GRID2: variants seen among roughly 807,000 people sequenced by gnomAD.
GRID2 encodes glutamate ionotropic receptor delta type subunit 2, also known as glutamate receptor ionotropic, delta-2.
A neutral mutation model predicts 114.8 loss-of-function variants in GRID2; 33 were observed. The ratio of observed to expected loss-of-function variants is 0.29; its 90% CI spans 0.22 to 0.38. GRID2 has a LOEUF of 0.38. GRID2 is among the 10% of genes least tolerant of loss of function. The pLI is 1.00. For synonymous variants in GRID2, 505 were observed against 449.9 expected, an observed-to-expected ratio of 1.12 and a Z score of -1.55; for missense variants, 1,184 against 1,257.7, an observed-to-expected ratio of 0.94 and a Z score of 0.89.
At chr4:92,759,028 T>C (rs1323433417) in intron 2 of GRID2, among the ~76,000 whole-genome samples, 2 of 152,150 alleles carry the variant, frequency 1.3e-5, no homozygotes, top group African/African-American at 4.8e-5. Flanking sequence ...CTTAGTTCAT[T>C]TGAAAAACAG....
intron 12 of GRID2, among the ~76,000 whole-genome samples, chr4:93,503,902 T>C (rs1728380693): frequency 6.6e-6 from 1 of 152,068 alleles, no homozygotes; most frequent in Non-Finnish European, 1.5e-5. Context: ...TCTTTTGCAT[T>C]TGGAAAATGT....
intron 2 of GRID2, among the ~76,000 whole-genome samples, chr4:92,986,444 ATTCT>A (rs1195710745): frequency 6.6e-6 from 1 of 152,170 alleles, no homozygotes; most frequent in Non-Finnish European, 1.5e-5. Flanking sequence ...AACCACAGAA[ATTCT>A]TTCTATTTAA....
intron 2 of GRID2, among the ~76,000 whole-genome samples, chr4:92,844,433 G>A (rs1257713085): frequency 6.6e-6 from 1 of 151,998 alleles, no homozygotes; most frequent in African/African-American, 2.4e-5. Context: ...CAGTTACTCA[G>A]GAGGCTGAGG....
intron 1 of GRID2, among the ~76,000 whole-genome samples, chr4:92,373,436 A>G (rs1299261379): frequency 6.6e-6 from 1 of 152,210 alleles, no homozygotes; most frequent in Non-Finnish European, 1.5e-5. Context: ...GTGTCAGCCC[A>G]ACTTCTAACA....
intron 4 of GRID2, among the ~76,000 whole-genome samples, chr4:93,180,252 G>A (rs1739762489): frequency 6.6e-6 from 1 of 152,044 alleles, no homozygotes; most frequent in African/African-American, 2.4e-5. Flanking sequence ...CTCAGCACAT[G>A]TAAATGTTAT....
At chr4:92,642,912 T>C (rs1193730260) in intron 2 of GRID2, among the ~76,000 whole-genome samples, 1 of 151,674 alleles carries the variant, frequency 6.6e-6, no homozygotes, top group East Asian at 1.9e-4. Flanking sequence ...CAGATGGTTA[T>C]AGGGTGTGGG....
At chr4:92,975,228 A>G (rs543163599) in intron 2 of GRID2, among the ~76,000 whole-genome samples, 12 of 149,264 alleles carry the variant, frequency 8.0e-5, no homozygotes, top group African/African-American at 3.0e-4. Context: ...TATATATAAT[A>G]TGTTGAGCAA....
intron 2 of GRID2, among the ~76,000 whole-genome samples, chr4:92,742,685 G>GA (rs1327788055): frequency 6.6e-6 from 1 of 152,096 alleles, no homozygotes; most frequent in Admixed American, 6.5e-5. Flanking sequence ...ACTTCAAACA[G>GA]AAAAAGGGCT....
At chr4:92,382,559 A>G (rs569045143) in intron 1 of GRID2, among the ~76,000 whole-genome samples, 2 of 152,212 alleles carry the variant, frequency 1.3e-5, no homozygotes, top group South Asian at 2.1e-4. Context: ...TTGCATTAAT[A>G]TGAGTATGTG....
chr4:93,012,204 A>G (rs976157228), intron 2 of GRID2, among the ~76,000 whole-genome samples: 3 of 151,848 alleles, frequency 2.0e-5, no homozygotes, highest in Admixed American at 6.6e-5. Flanking sequence ...TTCATTCTAG[A>G]TGAAGGTAAA....
chr4:93,749,805 C>G (rs1732156487), intron 14 of GRID2, among the ~76,000 whole-genome samples: 1 of 152,098 alleles, frequency 6.6e-6, no homozygotes, highest in Non-Finnish European at 1.5e-5. Context: ...AAAAACAAAA[C>G]AAAACAAAAA....
At chr4:92,578,084 T>C (rs1459751415) in intron 1 of GRID2, among the ~76,000 whole-genome samples, 1 of 54,644 alleles carries the variant, frequency 1.8e-5, no homozygotes, top group Non-Finnish European at 3.7e-5. Context: ...CTTCTTCTTC[T>C]TCTTCTTCTT....
intron 9 of GRID2, among the ~76,000 whole-genome samples, chr4:93,420,276 T>A (rs1580021287): frequency 1.3e-5 from 2 of 152,300 alleles, no homozygotes; most frequent in African/African-American, 4.8e-5. Flanking sequence ...TAGAACTTTA[T>A]GATCTTATTT....
chr4:93,750,127 A>G (rs533999940), intron 14 of GRID2, among the ~76,000 whole-genome samples: 27 of 152,372 alleles, frequency 1.8e-4, no homozygotes, highest in African/African-American at 6.5e-4. Flanking sequence ...TTGGTGCTAC[A>G]GAACACACAA....
chr4:93,520,936 G>A (rs1578180303), intron 13 of GRID2, among the ~76,000 whole-genome samples: 2 of 152,254 alleles, frequency 1.3e-5, no homozygotes, highest in Non-Finnish European at 2.9e-5. Flanking sequence ...CTCAAGGGTG[G>A]GAGCGGGGAG....
chr4:92,851,753 G>T (rs572864994), intron 2 of GRID2, among the ~76,000 whole-genome samples: 49 of 151,940 alleles, frequency 3.2e-4, no homozygotes, highest in African/African-American at 1.0e-3. Flanking sequence ...ATTATTATAG[G>T]TCATAGGAGT....
chr4:93,302,450 T>C, intron 8 of GRID2: 1 of 406,024 alleles, frequency 2.5e-6, no homozygotes. Context: ...ATGCCAGTTA[T>C]GCCCCATCAC....
intron 1 of GRID2, among the ~76,000 whole-genome samples, chr4:92,537,506 C>CT (rs919857023): frequency 1.6e-4 from 24 of 152,140 alleles, no homozygotes; most frequent in African/African-American, 5.5e-4. Context: ...TTAATTGGCA[C>CT]TTTTTTGTAA....
intron 1 of GRID2, among the ~76,000 whole-genome samples, chr4:92,450,888 T>A (rs959700057): frequency 6.9e-6 from 1 of 145,474 alleles, no homozygotes; most frequent in African/African-American, 2.6e-5. Context: ...TTTAAATAAA[T>A]ATTCAAATAA....
Sources: gnomAD v4.1 joint callset for allele counts (sites outside exome capture counted in the v4.1 genomes callset) on GRCh38, gnomAD v4.1.1 for gene constraint, MANE v1.5 for transcripts, NCBI Gene and HGNC (gene_info 2026-07-23, HGNC 2026-07-21) for gene names.